The following CLEC17A variants were observed in gnomAD, a reference collection of about 807,000 sequenced individuals.
CLEC17A encodes the protein C-type lectin domain family 17, member A.
CLEC17A carries 37 observed loss-of-function variants against 61.3 expected under a neutral mutation model. The observed-to-expected ratio is 0.60, with a 90% confidence interval of 0.46 to 0.79. CLEC17A has a LOEUF of 0.79. Ranked by LOEUF, CLEC17A falls within the 30% of genes least tolerant of loss-of-function variation. The pLI, the probability that CLEC17A is intolerant of heterozygous loss-of-function variation, is 0.00. For synonymous variants in CLEC17A, 168 were observed against 164.9 expected (o/e 1.02, Z -0.14); for missense variants, 418 against 464.7 (o/e 0.90, Z 0.92).
chr19:14,586,711 G>A (rs2146667190), intron 2 of CLEC17A, among the ~76,000 whole-genome samples: 1 of 152,164 alleles, frequency 6.6e-6, no homozygotes, highest in Non-Finnish European at 1.5e-5. Context: ...ATAGGCATGA[G>A]CCATTGCGCC....
At chr19:14,603,212 G>A (rs190202348) in intron 12 of CLEC17A, among the ~76,000 whole-genome samples, 16 of 152,126 alleles carry the variant, frequency 1.1e-4, no homozygotes, top group African/African-American at 1.7e-4. Flanking sequence ...AGTCAATTGG[G>A]TTCTCCCATT....
intron 3 of CLEC17A, among the ~76,000 whole-genome samples, chr19:14,590,223 C>G (rs531306086): frequency 3.7e-4 from 56 of 151,428 alleles, no homozygotes; most frequent in Non-Finnish European, 2.2e-4. Flanking sequence ...TAACACCTAT[C>G]CCCTTAACAT....
At chr19:14,592,698 C>T (rs112589280) in intron 4 of CLEC17A, among the ~76,000 whole-genome samples, 4,224 of 152,068 alleles carry the variant, frequency 0.028, 197 homozygotes, top group African/African-American at 0.094. Flanking sequence ...TGGAATTTCA[C>T]TCTGTCACCC....
At chr19:14,593,487 A>G (rs867465079) in intron 4 of CLEC17A, among the ~76,000 whole-genome samples, 6 of 152,008 alleles carry the variant, frequency 3.9e-5, no homozygotes, top group Non-Finnish European at 8.8e-5. Context: ...GCTATATGAA[A>G]ACATTTTTTT....
At chr19:14,601,122 C>T (rs774039729) in intron 12 of CLEC17A, among the ~76,000 whole-genome samples, 4 of 151,702 alleles carry the variant, frequency 2.6e-5, no homozygotes, top group South Asian at 4.2e-4. Context: ...AGGCTGTTCT[C>T]GAACTCCTGA....
At chr19:14,602,210 T>C (rs76422031) in intron 12 of CLEC17A, among the ~76,000 whole-genome samples, 5 of 152,304 alleles carry the variant, frequency 3.3e-5, no homozygotes, top group East Asian at 3.9e-4. Context: ...GTTTTTTTTT[T>C]CCCAGACAGT....
intron 13 of CLEC17A, among the ~76,000 whole-genome samples, chr19:14,608,854 C>T (rs1232802277): frequency 6.7e-6 from 1 of 148,492 alleles, no homozygotes; most frequent in African/African-American, 2.5e-5. Context: ...AGCTGTAGTG[C>T]AGTGGCACAA....
intron 4 of CLEC17A, among the ~76,000 whole-genome samples, 151 bp downstream of exon 4, chr19:14,592,509 T>C (rs1028356298): frequency 1.3e-5 from 2 of 152,138 alleles, no homozygotes; most frequent in African/African-American, 2.4e-5. Context: ...CAGGAGGACC[T>C]GTCAGTCTGA....
chr19:14,583,108 G>A lies in CLEC17A; in HGVS notation c.-53G>A, dbSNP rs947684075. 6.9e-6 allele frequency: 11 copies of A among 1,603,996 alleles called. No individual in the cohort carries two copies. The highest frequency in any genetic ancestry group is 1.3e-5 in the African/African-American group (1 of 74,682). ...CAGACGCCTGAGTCGGAGAGACAGG[G>A]GGCAGAGGTTGCCAAGCCCTGGCTG... is the stretch of plus-strand genomic sequence containing the variant. On this transcript the variant is annotated 5_prime_UTR_variant, in exon 1 of 14. Transcript: ENST00000417570.
At chr19:14,605,126 C>T (rs1217773966) in intron 12 of CLEC17A, among the ~76,000 whole-genome samples, 2 of 150,396 alleles carry the variant, frequency 1.3e-5, no homozygotes, top group Non-Finnish European at 3.0e-5. Flanking sequence ...GACGGGATTT[C>T]GCTTTTTGTT....
chr19:14,599,331 G>A (rs949185756), intron 10 of CLEC17A, among the ~76,000 whole-genome samples: 40 of 151,790 alleles, frequency 2.6e-4, no homozygotes, highest in African/African-American at 8.0e-4. Flanking sequence ...CAGATGATCC[G>A]CCCACCTCGG....
chr19:14,597,209 C>A (rs898869261), intron 10 of CLEC17A, 48 bp downstream of exon 10: 1 of 1,533,998 alleles, frequency 6.5e-7, no homozygotes, highest in Non-Finnish European at 8.9e-7. Flanking sequence ...TGAGCCCTAA[C>A]CCAATCCTCA....
chr19:14,589,229 A>C, intron 3 of CLEC17A, among the ~76,000 whole-genome samples: 1 of 133,110 alleles, frequency 7.5e-6, no homozygotes. Context: ...TTTCCATCCC[A>C]TCCCACCCCA....
chr19:14,584,945 G>T (rs564626814), intron 2 of CLEC17A, among the ~76,000 whole-genome samples: 1 of 151,890 alleles, frequency 6.6e-6, no homozygotes, highest in Non-Finnish European at 1.5e-5. Context: ...ATCCATCCCT[G>T]TCCCCAACCC....
At chr19:14,604,579 A>G (rs897681401) in intron 12 of CLEC17A, among the ~76,000 whole-genome samples, 1 of 152,028 alleles carries the variant, frequency 6.6e-6, no homozygotes. Context: ...CCTGGCCAAC[A>G]TGGTGAAACC....
At chr19:14,590,862 ATTT>A (rs74183400) in intron 3 of CLEC17A, among the ~76,000 whole-genome samples, 1 of 135,306 alleles carries the variant, frequency 7.4e-6, no homozygotes, top group Non-Finnish European at 1.6e-5. Context: ...GTTTTTTCTA[ATTT>A]TTTTTTTTTT....
intron 13 of CLEC17A, among the ~76,000 whole-genome samples, chr19:14,607,656 ATC>A (rs796851868): frequency 5.2e-4 from 78 of 149,460 alleles, no homozygotes; most frequent in African/African-American, 1.9e-3. Context: ...GCTCACTGTA[ATC>A]TCTGTCTCCC....
At chr19:14,601,540 T>G (rs957507236) in intron 12 of CLEC17A, among the ~76,000 whole-genome samples, 1 of 152,094 alleles carries the variant, frequency 6.6e-6, no homozygotes, top group African/African-American at 2.4e-5. Flanking sequence ...TTACAGCTAG[T>G]GGGATTTAAG....
rs2146653381 is a variant in CLEC17A, at chr19:14,583,102, G to T, written c.-59G>T. 1.3e-5 allele frequency: 21 copies of T among 1,598,926 alleles called. No individual in the cohort carries two copies. The South Asian group carries it at 2.3e-4, about 18-fold the overall frequency. On this transcript the variant is annotated 5_prime_UTR_variant, in exon 1 of 14. Transcript: ENST00000417570. ...AGCCCCCAGACGCCTGAGTCGGAGAGACAGGGGGCAGAGGTTGCCAAGCCC... is the reference window on the plus strand; with the variant it reads ...AGCCCCCAGACGCCTGAGTCGGAGATACAGGGGGCAGAGGTTGCCAAGCCC...
Sources: allele counts gnomAD v4.1 joint callset (sites outside exome capture counted in the v4.1 genomes callset), GRCh38; gene constraint gnomAD v4.1.1; transcripts MANE v1.5; gene names NCBI Gene and HGNC (gene_info 2026-07-23, HGNC 2026-07-21).